The following AHI1 variants were observed in gnomAD, a reference collection of about 807,000 sequenced individuals.
AHI1 encodes the protein Abelson helper integration site 1.
In AHI1, 123 loss-of-function variants were observed where a neutral mutation model predicts 149.3. The ratio of observed to expected loss-of-function variants is 0.82; its 90% CI spans 0.71 to 0.96. AHI1 has a LOEUF of 0.96. Among genes scored for constraint, AHI1 ranks in the 40% least tolerant of loss-of-function variants. The pLI is 0.00. For missense variants in AHI1, 1,439 were observed against 1,422.7 expected, an observed-to-expected ratio of 1.01 and a Z score of -0.18; for synonymous variants, 475 against 459.8, an observed-to-expected ratio of 1.03 and a Z score of -0.42.
At position 135,433,485 on chromosome 6, in the gene AHI1, T is replaced by A. The variant is rs538086047; in HGVS notation, c.2037-229A>T. ...TATAGTTATTATCCAGCATATTATATCCACTAATTGTAATCTATACTATAA... is the reference window on the plus strand; with the variant it reads ...TATAGTTATTATCCAGCATATTATAACCACTAATTGTAATCTATACTATAA... On this transcript the variant is annotated intron_variant, in intron 15 of 28. Transcript: ENST00000265602. Among the ~76,000 whole-genome samples, 7 of 152,294 alleles carry A rather than the reference T, an allele frequency of 4.6e-5. No homozygotes were observed. The South Asian group carries it at 1.5e-3, about 32-fold the overall frequency.
chr6:135,428,862 A>AT (rs1784268853), intron 18 of AHI1, 103 bp from the exon 19 acceptor site: 1 of 1,082,296 alleles, frequency 9.2e-7, no homozygotes, highest in East Asian at 2.7e-5. Flanking sequence ...TTCAACAAAC[A>AT]TTTTTTGAGA....
intron 13 of AHI1, among the ~76,000 whole-genome samples, chr6:135,445,858 C>T (rs1311632496): frequency 1.3e-5 from 2 of 152,080 alleles, no homozygotes; most frequent in Non-Finnish European, 2.9e-5. Flanking sequence ...AGATCGAGAC[C>T]ATCCTGGCAA....
chr6:135,301,220 T>C (rs759344625), intron 26 of AHI1: 1 of 984,696 alleles, frequency 1.0e-6, no homozygotes, highest in Non-Finnish European at 1.2e-6. Context: ...ATAAAACGAA[T>C]TGCAATTTTT....
intron 23 of AHI1, 102 bp downstream of exon 23, chr6:135,394,674 C>G (rs1291755030): frequency 6.8e-7 from 1 of 1,478,818 alleles, no homozygotes; most frequent in Non-Finnish European, 9.2e-7. Flanking sequence ...AGTGTAAAAA[C>G]CGACCATTAT....
chr6:135,474,099 T>G lies in AHI1; in HGVS notation c.136-6465A>C, dbSNP rs144859049. Among the ~76,000 whole-genome samples the G allele has an allele frequency of 1.6e-4, 25 of 152,298 alleles. No homozygotes were observed. The East Asian group carries it at 4.6e-3, about 28-fold the overall frequency. On this transcript the variant is annotated intron_variant, in intron 5 of 28. Transcript: ENST00000265602. ...CTAATGTAAATGTTCTGAGCACACT[T>G]AAGGTAGGCTAGGACAAGCTCTGAT...
intron 14 of AHI1, 22 bp from the exon 15 acceptor site, chr6:135,438,520 T>TG: frequency 6.6e-7 from 1 of 1,520,598 alleles, no homozygotes; most frequent in Non-Finnish European, 8.9e-7. Context: ...ATTTAGAAAT[T>TG]AGGTTTCCAG....
chr6:135,289,233 C>T (rs1052228923), intron 28 of AHI1, among the ~76,000 whole-genome samples: 17 of 151,944 alleles, frequency 1.1e-4, no homozygotes, highest in South Asian at 8.3e-4. Flanking sequence ...CGGTGGCTCA[C>T]GCCTGTAATC....
At chr6:135,407,324 G>A (rs1438958285) in intron 21 of AHI1, among the ~76,000 whole-genome samples, 2 of 152,064 alleles carry the variant, frequency 1.3e-5, no homozygotes, top group African/African-American at 2.4e-5. Context: ...GGCAAGAAAC[G>A]AGAAAAGGCA....
chr6:135,364,642 C>T (rs1183704025), intron 23 of AHI1, among the ~76,000 whole-genome samples: 1 of 152,022 alleles, frequency 6.6e-6, no homozygotes, highest in Non-Finnish European at 1.5e-5. Context: ...GCAATCCCGG[C>T]ACCTCGGGAG....
intron 14 of AHI1, among the ~76,000 whole-genome samples, chr6:135,440,052 C>T (rs763326079): frequency 4.6e-5 from 7 of 152,166 alleles, no homozygotes; most frequent in Non-Finnish European, 8.8e-5. Flanking sequence ...TTGAGCTTTA[C>T]GGTGTTTTAA....
chr6:135,349,792 CA>C (rs1791795635), intron 24 of AHI1, among the ~76,000 whole-genome samples: 1 of 152,148 alleles, frequency 6.6e-6, no homozygotes, highest in Admixed American at 6.5e-5. Flanking sequence ...ACTTTAGACC[CA>C]AAAGTTGACT....
intron 24 of AHI1, among the ~76,000 whole-genome samples, chr6:135,347,745 A>T (rs1333674895): frequency 6.6e-6 from 1 of 152,180 alleles, no homozygotes; most frequent in African/African-American, 2.4e-5. Context: ...CACAGCTATA[A>T]ATGTGATCAT....
At chr6:135,437,496 A>T (rs1421118123) in intron 15 of AHI1, among the ~76,000 whole-genome samples, 1 of 152,254 alleles carries the variant, frequency 6.6e-6, no homozygotes, top group Non-Finnish European at 1.5e-5. Flanking sequence ...CATCTTTTTC[A>T]TTTAAATAAA....
intron 11 of AHI1, among the ~76,000 whole-genome samples, chr6:135,451,660 G>C (rs1290593069): frequency 6.6e-6 from 1 of 152,060 alleles, no homozygotes; most frequent in Non-Finnish European, 1.5e-5. Flanking sequence ...GGCATAAGAT[G>C]AATAAATAAA....
chr6:135,344,412 A>G (rs1018149440), intron 24 of AHI1, among the ~76,000 whole-genome samples: 2 of 150,980 alleles, frequency 1.3e-5, no homozygotes, highest in African/African-American at 4.8e-5. Flanking sequence ...ACAAAATTTT[A>G]CAATTTATTT....
intron 7 of AHI1, among the ~76,000 whole-genome samples, chr6:135,464,011 G>A (rs1227117409): frequency 6.6e-6 from 1 of 152,002 alleles, no homozygotes; most frequent in Non-Finnish European, 1.5e-5. Context: ...TTTTCAGAAG[G>A]CTATTACTAA....
intron 23 of AHI1, among the ~76,000 whole-genome samples, chr6:135,359,248 T>A (rs2128438497): frequency 6.6e-6 from 1 of 152,350 alleles, no homozygotes; most frequent in South Asian, 2.1e-4. Flanking sequence ...CAGTGAAGTA[T>A]AAAGCACTAT....
At chr6:135,410,471 G>A (rs1052117216) in intron 21 of AHI1, among the ~76,000 whole-genome samples, 3 of 152,198 alleles carry the variant, frequency 2.0e-5, no homozygotes, top group African/African-American at 4.8e-5. Context: ...GCACAGGTTG[G>A]AGCCTATGCC....
chr6:135,389,594 C>T (rs940056322), intron 23 of AHI1, among the ~76,000 whole-genome samples: 5 of 152,148 alleles, frequency 3.3e-5, no homozygotes, highest in Admixed American at 2.0e-4. Flanking sequence ...CATGTCATCC[C>T]TATCACCACA....
Sources: allele counts gnomAD v4.1 joint callset (sites outside exome capture counted in the v4.1 genomes callset), GRCh38; gene constraint gnomAD v4.1.1; transcripts MANE v1.5; gene names NCBI Gene and HGNC (gene_info 2026-07-23, HGNC 2026-07-21).